MED27: variants seen among roughly 807,000 people sequenced by gnomAD.
MED27 encodes the protein mediator of RNA polymerase II transcription subunit 27.
Under a neutral mutation model 38.2 loss-of-function variants are expected in MED27, and 30 were observed. The observed-to-expected ratio is 0.79, with a 90% CI of 0.59 to 1.07. MED27 has a LOEUF of 1.07. Ranked by LOEUF, MED27 falls within the 50% of genes least tolerant of loss-of-function variation. The pLI, the probability that MED27 is intolerant of heterozygous loss-of-function variation, is 0.00. For missense variants in MED27, 289 were observed against 397.5 expected, an observed-to-expected ratio of 0.73 and a Z score of 2.32; for synonymous variants, 122 against 153.5, an observed-to-expected ratio of 0.79 and a Z score of 1.52.
At chr9:131,996,961 G>C (rs1832104909) in intron 3 of MED27, among the ~76,000 whole-genome samples, 1 of 152,134 alleles carries the variant, frequency 6.6e-6, no homozygotes, top group Non-Finnish European at 1.5e-5. Flanking sequence ...CTATGCCATT[G>C]GTAAGGCTAT....
rs1206899957 is a variant in MED27, at chr9:131,997,601, C to T, written c.479+16736G>A. 6.6e-6 allele frequency among the ~76,000 whole-genome samples: 1 copy of T among 152,200 alleles called. No individual in the cohort carries two copies. Among genetic ancestry groups the T allele is most frequent in the African/African-American group, 2.4e-5 (1 of 41,442 alleles). On this transcript the variant is annotated intron_variant, in intron 3 of 7. Coordinates refer to ENST00000292035, the MANE Select transcript of MED27 (RefSeq NM_004269.4). This position sits in a 1 kb window ranked among gnomAD's most constrained non-coding sequence, Gnocchi z 4.0. ...CACTTTCTTTCACAGGGGGTGATCC[C>T]TAATAAATATATTGCAGCCCAATTC...
At chr9:131,979,498 A>C (rs1831685130) in intron 3 of MED27, among the ~76,000 whole-genome samples, 1 of 151,716 alleles carries the variant, frequency 6.6e-6, no homozygotes, top group African/African-American at 2.4e-5. Context: ...AAAAAAAAAA[A>C]AAAAAACCCC....
chr9:131,950,455 G>A (rs139193939), intron 3 of MED27, among the ~76,000 whole-genome samples: 25 of 152,286 alleles, frequency 1.6e-4, no homozygotes, highest in Non-Finnish European at 2.4e-4. Context: ...GGCAATGCTC[G>A]GATGTGGTGA....
intron 2 of MED27, among the ~76,000 whole-genome samples, chr9:132,060,388 T>G (rs961439821): frequency 1.3e-5 from 2 of 152,182 alleles, no homozygotes; most frequent in African/African-American, 4.8e-5. Flanking sequence ...AAGATACAGA[T>G]ATCCCTGTCA....
chr9:131,860,752 GC>G lies in MED27; in HGVS notation c.802-81del. The G allele has an allele frequency of 6.6e-7, 1 of 1,524,096 alleles. No individual in the cohort carries two copies. Among genetic ancestry groups the G allele is most frequent in the Non-Finnish European group, 8.9e-7 (1 of 1,122,196 alleles). 94.4% of individuals were successfully genotyped at this position (1,524,096 alleles called of 1,614,324 possible). On this transcript the variant is annotated intron_variant, in intron 7 of 7. Coordinates refer to ENST00000292035, the MANE Select transcript of MED27 (RefSeq NM_004269.4). This position sits in a 1 kb window ranked among gnomAD's most constrained non-coding sequence, Gnocchi z 5.8. ...GTCCTCCTTCCTATCAAGCCTAATG[GC>G]CCAGACAACTTAAGTTGGCTTTGGC...
At chr9:131,950,967 G>A (rs1207302080) in intron 3 of MED27, among the ~76,000 whole-genome samples, 1 of 152,208 alleles carries the variant, frequency 6.6e-6, no homozygotes, top group Non-Finnish European at 1.5e-5. Flanking sequence ...ATCCAACAAA[G>A]TGAACAGACA....
chr9:132,032,156 C>T (rs1247241616), intron 2 of MED27: 1 of 152,102 alleles, frequency 6.6e-6, no homozygotes, highest in East Asian at 1.9e-4. Flanking sequence ...GCCCACGAGC[C>T]GAGCCCACCT....
rs1356567599 is a variant in MED27 at position 131,980,167 on chromosome 9, C to T, written c.479+34170G>A. 2.2e-5 allele frequency among the ~76,000 whole-genome samples: 3 copies of T among 133,670 alleles called. No individual in the cohort carries two copies. In the East Asian group the frequency reaches 7.0e-4, roughly 31 times the overall value. The allele number at this position is 133,670 out of a possible 152,430, so 87.7% of individuals were successfully genotyped here. A position where few individuals can be genotyped will look rare whatever the true frequency, so the allele number is the denominator to read the frequency against. On this transcript the variant is annotated intron_variant, in intron 3 of 7. Transcript: ENST00000292035. The stretch of plus-strand genomic sequence containing the variant: ...ATACACATGCACATGTACACACACA[C>T]GTATGTATAAAAGCTTACAATGGGA...
At chr9:131,962,057 T>C (rs1476460420) in intron 3 of MED27, among the ~76,000 whole-genome samples, 2 of 152,212 alleles carry the variant, frequency 1.3e-5, no homozygotes, top group Non-Finnish European at 2.9e-5. Context: ...TTCTATCTAG[T>C]GGTAGGCAAA....
In MED27 at chr9:131,943,720, T is replaced by C. The variant is rs373513455; in HGVS notation, c.480-4246A>G. On this transcript the variant is annotated intron_variant, in intron 3 of 7. Transcript: ENST00000292035. Reference sequence around the variant, plus strand: ...AGCAGTGAGTCACAATTTGCACATATCTGTCAACCTGTTAACAGGGTAATA... The same window carrying C: ...AGCAGTGAGTCACAATTTGCACATACCTGTCAACCTGTTAACAGGGTAATA... Among the ~76,000 whole-genome samples, 8 of 152,222 alleles carry C rather than the reference T, an allele frequency of 5.3e-5. No homozygotes were observed. The East Asian group carries it at 7.7e-4, about 15-fold the overall frequency.
At chr9:131,891,721 G>A (rs1183733597) in intron 5 of MED27, among the ~76,000 whole-genome samples, 1 of 152,188 alleles carries the variant, frequency 6.6e-6, no homozygotes, top group African/African-American at 2.4e-5. Context: ...GCTCGCATGT[G>A]TATTTTAGGA....
intron 2 of MED27, among the ~76,000 whole-genome samples, chr9:132,060,967 C>T (rs1382437596): frequency 6.6e-6 from 1 of 152,060 alleles, no homozygotes; most frequent in Non-Finnish European, 1.5e-5. Context: ...ACAACAACAA[C>T]AAATCCCTTT....
chr9:132,076,265 CT>C (rs113968612), intron 2 of MED27, among the ~76,000 whole-genome samples: 42 of 146,976 alleles, frequency 2.9e-4, no homozygotes, highest in East Asian at 2.2e-3. Flanking sequence ...AGGCCCCATG[CT>C]TTTTTTTTTG....
At chr9:132,042,650 T>C in intron 2 of MED27, among the ~76,000 whole-genome samples, 1 of 152,196 alleles carries the variant, frequency 6.6e-6, no homozygotes, top group East Asian at 1.9e-4. Flanking sequence ...GATCTATGAG[T>C]GGACCCTGCT....
chr9:131,876,562 C>A (rs1421108600), intron 6 of MED27, among the ~76,000 whole-genome samples: 4 of 152,264 alleles, frequency 2.6e-5, no homozygotes, highest in Non-Finnish European at 5.9e-5. Context: ...GAGAAGGTGG[C>A]GGTAAAAGGG....
intron 2 of MED27, among the ~76,000 whole-genome samples, chr9:132,043,609 A>C (rs1022304426): frequency 3.3e-5 from 5 of 152,214 alleles, no homozygotes; most frequent in African/African-American, 1.2e-4. Flanking sequence ...GATAAAATGA[A>C]AATATATGCT....
chr9:132,038,366 G>T, intron 2 of MED27, among the ~76,000 whole-genome samples: 1 of 151,220 alleles, frequency 6.6e-6, no homozygotes, highest in Non-Finnish European at 1.5e-5. Context: ...TAATTTTTTT[G>T]TATTTTTAGT....
At chr9:131,958,206 C>T (rs1177521368) in intron 3 of MED27, among the ~76,000 whole-genome samples, 3 of 150,658 alleles carry the variant, frequency 2.0e-5, no homozygotes, top group African/African-American at 7.3e-5. Flanking sequence ...ATTCTCAGCA[C>T]TAATCTCAAA....
chr9:132,073,868 AG>A (rs1274997158), intron 2 of MED27: 1 of 1,262,618 alleles, frequency 7.9e-7, no homozygotes, highest in Admixed American at 3.7e-5. Flanking sequence ...AGATGTTGCC[AG>A]GGAAAGGCGG....
Sources: allele counts gnomAD v4.1 joint callset (sites outside exome capture counted in the v4.1 genomes callset), GRCh38; gene constraint gnomAD v4.1.1; non-coding constraint Gnocchi (gnomAD v3.1); transcripts MANE v1.5; gene names NCBI Gene and HGNC (gene_info 2026-07-23, HGNC 2026-07-21).